Variants in ZNF141 observed in about 807,000 individuals in gnomAD.
ZNF141 encodes the protein zinc finger protein 141.
A neutral mutation model predicts 11.3 loss-of-function variants in ZNF141; 7 were observed. The ratio of observed to expected loss-of-function variants is 0.62; its 90% CI spans 0.35 to 1.16. The LOEUF (loss-of-function observed/expected upper bound fraction) is 1.16, where lower values mean the gene tolerates loss of function less well. ZNF141 is among the 50% of genes most tolerant of loss of function. The probability of loss-of-function intolerance (pLI) is 0.02; values close to 1 mark genes in which losing one functional copy is unlikely to be tolerated. For missense variants in ZNF141, 535 were observed against 554.0 expected (o/e 0.97, Z 0.34); for synonymous variants, 183 against 190.7 (o/e 0.96, Z 0.33).
Position 346,865 on chromosome 4 carries a change from GTA to G in ZNF141, c.226+2443_226+2444del, listed in dbSNP as rs199732124. On this transcript the variant is annotated intron_variant, in intron 3 of 3. Transcript: ENST00000240499. ...TATATATATATGTATATACATGTAT[GTA>G]TATATATGTATACACACACACACAC... 7.8e-3 allele frequency among the ~76,000 whole-genome samples: 1,067 copies of G among 136,970 alleles called. 9 individuals carry two copies. The Middle Eastern group carries it at 0.087, about 11-fold the overall frequency. The allele number at this position is 136,970 out of a possible 152,430, so 89.9% of individuals were successfully genotyped here.
At chr4:365,586 G>A (rs890862101) in intron 3 of ZNF141, among the ~76,000 whole-genome samples, 6 of 152,164 alleles carry the variant, frequency 3.9e-5, no homozygotes, top group Non-Finnish European at 8.8e-5. Context: ...CTTTCATTCT[G>A]TAGATTATCT....
intron 3 of ZNF141, among the ~76,000 whole-genome samples, chr4:349,920 A>C (rs1158072639): frequency 6.6e-6 from 1 of 152,202 alleles, no homozygotes; most frequent in Non-Finnish European, 1.5e-5. Context: ...ACCTGGGAAC[A>C]GTTTCCACAC....
intron 3 of ZNF141, among the ~76,000 whole-genome samples, chr4:367,859 GT>G (rs1711825962): frequency 6.6e-6 from 1 of 152,062 alleles, no homozygotes; most frequent in African/African-American, 2.4e-5. Flanking sequence ...CATAATTTAA[GT>G]TCTGGGGTAC....
intron 3 of ZNF141, among the ~76,000 whole-genome samples, chr4:366,808 G>A (rs1188418288): frequency 6.6e-6 from 1 of 152,164 alleles, no homozygotes; most frequent in Admixed American, 6.6e-5. Flanking sequence ...CTGAGTAGCT[G>A]GGAGTAGCTG....
At chr4:367,141 A>G (rs1711783154) in intron 3 of ZNF141, among the ~76,000 whole-genome samples, 2 of 152,182 alleles carry the variant, frequency 1.3e-5, no homozygotes, top group South Asian at 2.1e-4. Context: ...TTTTTTTGAG[A>G]TCTGGAACAG....
At position 379,576 on chromosome 4, in the gene ZNF141, T is replaced by C. The variant is rs555898739; in HGVS notation, c.*5714T>C. ...TGTTAGTAGAGATGCGGTTTGACTA[T>C]GTTGGCCAGGCTGGTCTCAAACTCC... On this transcript the variant is annotated 3_prime_UTR_variant, in exon 4 of 4. Coordinates refer to ENST00000240499, the MANE Select transcript of ZNF141 (RefSeq NM_003441.4). Among the ~76,000 whole-genome samples, 1 of 152,270 alleles carries C rather than the reference T, an allele frequency of 6.6e-6. No individual in the cohort carries two copies. Among genetic ancestry groups the C allele is most frequent in the African/African-American group, 2.4e-5 (1 of 41,562 alleles).
intron 3 of ZNF141, among the ~76,000 whole-genome samples, chr4:356,268 C>T (rs1553851215): frequency 6.6e-6 from 1 of 150,788 alleles, no homozygotes; most frequent in Non-Finnish European, 1.5e-5. Context: ...TTAATCCTTT[C>T]ATAAAAGTAG....
chr4:369,047 T>A (rs56740548), intron 3 of ZNF141, among the ~76,000 whole-genome samples: 1 of 152,036 alleles, frequency 6.6e-6, no homozygotes, highest in African/African-American at 2.4e-5. Context: ...GTTTCATTAT[T>A]CATTATAGAA....
At chr4:346,895 C>A (rs868934901) in intron 3 of ZNF141, among the ~76,000 whole-genome samples, 51 of 102,036 alleles carry the variant, frequency 5.0e-4, no homozygotes, top group African/African-American at 8.2e-4. Flanking sequence ...ACACACACAC[C>A]GCCCCCCCCA....
At chr4:350,939 C>T (rs1721567099) in intron 3 of ZNF141, among the ~76,000 whole-genome samples, 2 of 150,148 alleles carry the variant, frequency 1.3e-5, no homozygotes, top group South Asian at 4.2e-4. Flanking sequence ...TTAGTAGAGA[C>T]GGGGTTTCAC....
intron 1 of ZNF141, among the ~76,000 whole-genome samples, chr4:340,138 T>G (rs1581575986): frequency 6.6e-6 from 1 of 152,256 alleles, no homozygotes; most frequent in East Asian, 1.9e-4. Context: ...TTGTAGATGA[T>G]TTTGCTGTTA....
Position 380,651 on chromosome 4 carries a change from C to T in ZNF141, c.*6789C>T, listed in dbSNP as rs1581636511. ...TGGGTGACAAGAGCAAAACTCCATC[C>T]CCCCTGCCCAAAAAAAAAAATTAAT... On this transcript the variant is annotated 3_prime_UTR_variant, in exon 4 of 4. Coordinates refer to ENST00000240499, the MANE Select transcript of ZNF141 (RefSeq NM_003441.4). Among the ~76,000 whole-genome samples the T allele has an allele frequency of 8.2e-6, 1 of 122,132 alleles. No individual in the cohort carries two copies. The highest frequency in any genetic ancestry group is 2.1e-4 in the East Asian group (1 of 4,780). 80.1% of individuals were successfully genotyped at this position (122,132 alleles called of 152,430 possible).
Position 380,596 on chromosome 4 carries a change from G to A in ZNF141, c.*6734G>A, listed in dbSNP as rs1056472558. On this transcript the variant is annotated 3_prime_UTR_variant, in exon 4 of 4. Coordinates refer to ENST00000240499, the MANE Select transcript of ZNF141 (RefSeq NM_003441.4). The stretch of plus-strand genomic sequence containing the variant: ...GAACCTGGGAGGTGGAGATTGCAGT[G>A]AGCCAAGATCATGCCATTGCACTCC... 6.6e-5 allele frequency among the ~76,000 whole-genome samples: 10 copies of A among 151,868 alleles called. No individual in the cohort carries two copies. Among genetic ancestry groups the A allele is most frequent in the Admixed American group, 2.0e-4 (3 of 15,244 alleles).
Position 368,425 on chromosome 4 carries a change from A to G in ZNF141, c.227-4239A>G, listed in dbSNP as rs59824179. Among the ~76,000 whole-genome samples the G allele has an allele frequency of 3.6e-3, 552 of 152,228 alleles. 2 individuals carry two copies. The highest frequency in any genetic ancestry group is 0.013 in the African/African-American group (546 of 41,550). ...CCCATCTAATTTTTGTATTTTTAGTAGAGACAGGGTTTCACCACATTGGTC... is the reference window on the plus strand; with the variant it reads ...CCCATCTAATTTTTGTATTTTTAGTGGAGACAGGGTTTCACCACATTGGTC... On this transcript the variant is annotated intron_variant, in intron 3 of 3. Transcript: ENST00000240499.
chr4:351,041 G>T (rs532114098), intron 3 of ZNF141, among the ~76,000 whole-genome samples: 5 of 151,488 alleles, frequency 3.3e-5, no homozygotes, highest in African/African-American at 9.7e-5. Flanking sequence ...GAGCCACCGC[G>T]CCCGGCCTGA....
rs1720878338 is a variant in ZNF141, at chr4:338,114, C to T, written c.3+128C>T. 9 of 1,294,822 alleles carry T rather than the reference C, an allele frequency of 7.0e-6. No homozygotes were observed. In the South Asian group the frequency reaches 9.2e-5, roughly 13 times the overall value. 80.2% of individuals were successfully genotyped at this position (1,294,822 alleles called of 1,614,324 possible). ...CGCTCAGCCCTGGGGCCTCAGTACC[C>T]TCCGGTGAGGGACCTGGGCTCCTGT... On this transcript the variant is annotated intron_variant, in intron 1 of 3. Transcript: ENST00000240499.
chr4:343,328 T>C (rs1721146299), intron 1 of ZNF141, among the ~76,000 whole-genome samples: 1 of 152,178 alleles, frequency 6.6e-6, no homozygotes, highest in East Asian at 1.9e-4. Context: ...TAGAATACTT[T>C]AGAGAATATT....
rs1712664081 is a variant in ZNF141 at position 382,334 on chromosome 4, C to G, written c.*8472C>G. Among the ~76,000 whole-genome samples, 1 of 152,032 alleles carries G rather than the reference C, an allele frequency of 6.6e-6. No individual in the cohort carries two copies. The highest frequency in any genetic ancestry group is 2.4e-5 in the African/African-American group (1 of 41,400). ...GGTCTTAGAAAACATCTTGTCCCTT[C>G]GAAGCATACTCTGCTGGTTGGCTAA... On this transcript the variant is annotated 3_prime_UTR_variant, in exon 4 of 4. Coordinates refer to ENST00000240499, the MANE Select transcript of ZNF141 (RefSeq NM_003441.4).
Position 373,791 on chromosome 4 carries a change from A to C in ZNF141, c.1354A>C (p.Lys452Gln), listed in dbSNP as rs782343071. Residue 452 changes from lysine to glutamine, a missense_variant, in exon 4 of 4, where the codon AAA becomes CAA. Lys to Gln is a moderately conservative substitution (Grantham distance 53, BLOSUM62 1). Transcript: ENST00000240499. ...AATTCATACTGTAGATAAACCCTAC[A>C]AATGTAAAGATTGTGACAAAGCCTT... is the stretch of plus-strand genomic sequence containing the variant. ...KKIHTVDKPY[K>Q]CKDCDKAFKR... The C allele has an allele frequency of 2.4e-5, 39 of 1,614,056 alleles. No individual in the cohort carries two copies. The South Asian group carries it at 3.7e-4, about 15-fold the overall frequency.
Sources: allele counts gnomAD v4.1 joint callset (sites outside exome capture counted in the v4.1 genomes callset), GRCh38; gene constraint gnomAD v4.1.1; transcripts MANE v1.5; gene names NCBI Gene and HGNC (gene_info 2026-07-23, HGNC 2026-07-21).